DNAH5: variants seen among roughly 807,000 people sequenced by gnomAD.
DNAH5 encodes the protein dynein axonemal heavy chain 5.
In DNAH5, 372 loss-of-function variants were observed where a neutral mutation model predicts 518.2. The ratio of observed to expected loss-of-function variants is 0.72; its 90% confidence interval spans 0.66 to 0.78. The LOEUF (loss-of-function observed/expected upper bound fraction) is 0.78. DNAH5 is among the 30% of genes least tolerant of loss of function. The probability of loss-of-function intolerance (pLI) is 0.00; values close to 1 mark genes in which losing one functional copy is unlikely to be tolerated. For synonymous variants in DNAH5, 2,039 were observed against 2,025.9 expected, an observed-to-expected ratio of 1.01 and a Z score of -0.17; for missense variants, 5,523 against 5,687.0, an observed-to-expected ratio of 0.97 and a Z score of 0.93.
At chr5:13,907,266 A>T (rs1168260049) in intron 12 of DNAH5, among the ~76,000 whole-genome samples, 5 of 152,180 alleles carry the variant, frequency 3.3e-5, no homozygotes, top group African/African-American at 1.2e-4. Context: ...CCCCATCTGT[A>T]CTAAAAATAC....
chr5:13,830,318 C>T (rs1418289714), intron 36 of DNAH5, 105 bp from the exon 37 acceptor site: 15 of 1,146,548 alleles, frequency 1.3e-5, no homozygotes, highest in Non-Finnish European at 1.3e-5. Context: ...TAAGTTCATT[C>T]AAAAGTAAAG....
At chr5:13,994,510 T>A (rs912143323) in intron 1 of DNAH5, among the ~76,000 whole-genome samples, 1 of 152,198 alleles carries the variant, frequency 6.6e-6, no homozygotes, top group African/African-American at 2.4e-5. Flanking sequence ...TGTTATAAAA[T>A]GACTTATTAC....
At chr5:13,978,514 A>G (rs958738708) in intron 1 of DNAH5, among the ~76,000 whole-genome samples, 2 of 152,210 alleles carry the variant, frequency 1.3e-5, no homozygotes, top group Non-Finnish European at 2.9e-5. Context: ...ATATGTGTGT[A>G]TATATACAGT....
Position 13,867,952 on chromosome 5 carries a change from G to A in DNAH5, c.3875C>T (p.Ala1292Val), listed in dbSNP as rs1769523534. The change falls in exon 25 of 79, where the codon GCA (alanine) becomes GTA (valine). Residue 1292 changes from alanine (A) to valine (V), a missense_variant. Transcript: ENST00000265104. ...ALLNRYGLLI[A>V]REEIDKVDTL... ...ATCAACTTTGTCTATCTCTTCCCTT[G>A]CTATCAGAAGTCCATATCTGTTAAG... 2 of 1,613,862 alleles carry A rather than the reference G, an allele frequency of 1.2e-6. No homozygotes were observed. Among genetic ancestry groups the A allele is most frequent in the Non-Finnish European group, 1.7e-6 (2 of 1,179,922 alleles).
intron 74 of DNAH5, among the ~76,000 whole-genome samples, chr5:13,716,098 A>G (rs1193140165): frequency 6.6e-6 from 1 of 152,214 alleles, no homozygotes; most frequent in African/African-American, 2.4e-5. Flanking sequence ...GGATTGGAAA[A>G]CAGAACAAAT....
At chr5:13,734,713 C>A (rs1747108806) in intron 68 of DNAH5, among the ~76,000 whole-genome samples, 2 of 152,132 alleles carry the variant, frequency 1.3e-5, no homozygotes, top group Admixed American at 1.3e-4. Context: ...AATGCCACCC[C>A]ATTAAATATC....
At chr5:13,759,011 G>A (rs1751416976) in intron 60 of DNAH5, 28 bp from the exon 61 acceptor site, 1 of 1,613,678 alleles carries the variant, frequency 6.2e-7, no homozygotes, top group African/African-American at 1.3e-5. Flanking sequence ...AGAGTGAAGA[G>A]ATGGGCAGCC....
At chr5:13,757,686 T>TA (rs2126721809) in intron 61 of DNAH5, among the ~76,000 whole-genome samples, 1 of 152,170 alleles carries the variant, frequency 6.6e-6, no homozygotes, top group South Asian at 2.1e-4. Context: ...ATAAGGAACT[T>TA]AAAGAAATTC....
chr5:13,825,866 T>C (rs1160324896), intron 38 of DNAH5, among the ~76,000 whole-genome samples: 1 of 152,186 alleles, frequency 6.6e-6, no homozygotes, highest in Non-Finnish European at 1.5e-5. Flanking sequence ...TTATATGCTT[T>C]TACCACAACA....
chr5:14,008,789 G>A (rs1211339779), intron 1 of DNAH5, among the ~76,000 whole-genome samples: 1 of 152,206 alleles, frequency 6.6e-6, no homozygotes, highest in Non-Finnish European at 1.5e-5. Context: ...TTATGGAATT[G>A]AACTGAACTG....
chr5:13,867,267 T>C (rs1236316544), intron 25 of DNAH5, among the ~76,000 whole-genome samples: 1 of 152,138 alleles, frequency 6.6e-6, no homozygotes, highest in Non-Finnish European at 1.5e-5. Flanking sequence ...GTAATCCCCA[T>C]AATCTCCATA....
At chr5:13,766,534 T>C (rs1000951623) in intron 58 of DNAH5, among the ~76,000 whole-genome samples, 2 of 152,206 alleles carry the variant, frequency 1.3e-5, no homozygotes, top group African/African-American at 4.8e-5. Context: ...CCAGGAAAAT[T>C]ACAGTATTTG....
intron 40 of DNAH5, among the ~76,000 whole-genome samples, chr5:13,822,237 C>CT (rs200658842): frequency 0.011 from 1,661 of 145,698 alleles, 32 homozygotes; most frequent in African/African-American, 0.036. Context: ...TTTTGATTTC[C>CT]TTTTTTTTTT....
chr5:13,883,123 C>A, intron 19 of DNAH5, 29 bp from the exon 20 acceptor site: 2 of 1,608,126 alleles, frequency 1.2e-6, no homozygotes, highest in South Asian at 2.2e-5. Flanking sequence ...AGGAAGAATT[C>A]ACATTTTTAA....
intron 30 of DNAH5, among the ~76,000 whole-genome samples, chr5:13,852,395 G>A (rs186156616): frequency 1.8e-4 from 28 of 152,268 alleles, no homozygotes; most frequent in East Asian, 7.7e-4. Flanking sequence ...TCGAACTCCC[G>A]ACCTCAGGTA....
intron 24 of DNAH5, among the ~76,000 whole-genome samples, chr5:13,869,946 T>C (rs1389562497): frequency 6.6e-6 from 1 of 152,170 alleles, no homozygotes; most frequent in African/African-American, 2.4e-5. Flanking sequence ...GGGTGTCTGC[T>C]TGTAATGAAA....
chr5:13,747,045 C>T (rs548796967), intron 65 of DNAH5, among the ~76,000 whole-genome samples: 3 of 152,050 alleles, frequency 2.0e-5, no homozygotes, highest in African/African-American at 7.3e-5. Flanking sequence ...CCTCTCCCCC[C>T]ACCCCACAAC....
intron 73 of DNAH5, among the ~76,000 whole-genome samples, 156 bp downstream of exon 73, chr5:13,717,159 A>G (rs1352589293): frequency 6.6e-6 from 1 of 152,206 alleles, no homozygotes; most frequent in Non-Finnish European, 1.5e-5. Context: ...CCTGAAATCA[A>G]GAGGCAAGTG....
At chr5:13,850,876 G>A (rs2151884153) in intron 30 of DNAH5, 61 bp from the exon 31 acceptor site, 5 of 1,538,724 alleles carry the variant, frequency 3.2e-6, no homozygotes, top group Non-Finnish European at 4.5e-6. Context: ...CCCAAAGACA[G>A]TATCTCACAT....
Sources: gnomAD v4.1 joint callset for allele counts (sites outside exome capture counted in the v4.1 genomes callset) on GRCh38, gnomAD v4.1.1 for gene constraint, MANE v1.5 for transcripts, NCBI Gene and HGNC (gene_info 2026-07-23, HGNC 2026-07-21) for gene names.